Variants in TOX2 observed in about 807,000 individuals in gnomAD.
TOX2 encodes TOX high mobility group box family member 2.
In TOX2, 15 loss-of-function variants were observed where a neutral mutation model predicts 47.4. That is an observed-to-expected ratio of 0.32 (90% CI 0.21 to 0.49). The LOEUF is 0.49. Ranked by LOEUF, TOX2 falls within the 20% of genes least tolerant of loss-of-function variation. The probability of loss-of-function intolerance (pLI) is 0.99; values close to 1 mark genes in which losing one functional copy is unlikely to be tolerated. For synonymous variants in TOX2, 290 were observed against 296.6 expected, an observed-to-expected ratio of 0.98 and a Z score of 0.23; for missense variants, 622 against 673.1, an observed-to-expected ratio of 0.92 and a Z score of 0.84.
At chr20:43,962,583 A>G (rs1056476701) in intron 1 of TOX2, among the ~76,000 whole-genome samples, 17 of 152,270 alleles carry the variant, frequency 1.1e-4, no homozygotes, top group Admixed American at 8.5e-4. Context: ...CCCAGAGCGT[A>G]CATAGTTAAG....
chr20:43,974,545 C>T (rs1199390930), intron 2 of TOX2, among the ~76,000 whole-genome samples: 1 of 152,224 alleles, frequency 6.6e-6, no homozygotes, highest in African/African-American at 2.4e-5. Flanking sequence ...GAGGGCAACC[C>T]CGGCCCTGGA....
At chr20:44,054,588 C>G in intron 5 of TOX2, 62 bp downstream of exon 5, 1 of 1,526,364 alleles carries the variant, frequency 6.6e-7, no homozygotes, top group South Asian at 1.2e-5. Context: ...ACCAAGGACA[C>G]ACTTTGAAGG....
intron 1 of TOX2, among the ~76,000 whole-genome samples, 198 bp from the exon 2 acceptor site, chr20:43,973,169 C>T (rs763852999): frequency 1.3e-5 from 2 of 152,210 alleles, no homozygotes; most frequent in African/African-American, 2.4e-5. Context: ...ACTCAAGGGC[C>T]GTGGAACAGG....
chr20:43,945,691 G>A, intron 1 of TOX2: 5 of 537,456 alleles, frequency 9.3e-6, no homozygotes, highest in Non-Finnish European at 1.6e-5. Context: ...CCGAGACCTG[G>A]CGTGGAGACC....
chr20:43,976,021 T>A (rs2070072060), intron 2 of TOX2, among the ~76,000 whole-genome samples: 1 of 152,270 alleles, frequency 6.6e-6, no homozygotes, highest in Non-Finnish European at 1.5e-5. Context: ...AACTTAGGAC[T>A]TTATGAAGAA....
chr20:43,923,799 G>A (rs1344472042), intron 1 of TOX2, among the ~76,000 whole-genome samples: 1 of 152,210 alleles, frequency 6.6e-6, no homozygotes, highest in Non-Finnish European at 1.5e-5. Context: ...GTTCTCTGCG[G>A]TGAGGTGGGC....
At chr20:43,948,236 G>A (rs2069503594) in intron 1 of TOX2, among the ~76,000 whole-genome samples, 1 of 152,196 alleles carries the variant, frequency 6.6e-6, no homozygotes, top group Non-Finnish European at 1.5e-5. Context: ...TTTATGGGAA[G>A]AATGAAGGTG....
chr20:43,996,063 G>T lies in TOX2; in HGVS notation c.166-10484G>T, dbSNP rs546801797. On this transcript the variant is annotated intron_variant, in intron 2 of 8. Transcript: ENST00000341197. ...GATTGCTGGGTTGAATGGTAGTTCTGCTTTTTGTTCTTTGAGTGATTGCTA... is the reference window on the plus strand; with the variant it reads ...GATTGCTGGGTTGAATGGTAGTTCTTCTTTTTGTTCTTTGAGTGATTGCTA... 1.4e-3 allele frequency among the ~76,000 whole-genome samples: 208 copies of T among 152,302 alleles called. 1 individual carries two copies. The highest frequency in any genetic ancestry group is 6.8e-3 in the Middle Eastern group (2 of 294).
At position 43,952,113 on chromosome 20, in the gene TOX2, G is replaced by A. The variant is rs373426945; in HGVS notation, c.100-21254G>A. Among the ~76,000 whole-genome samples the A allele has an allele frequency of 9.9e-5, 15 of 152,080 alleles. 1 individual carries two copies. Among genetic ancestry groups the A allele is most frequent in the Admixed American group, 3.3e-4 (5 of 15,278 alleles). On this transcript the variant is annotated intron_variant, in intron 1 of 8. Coordinates refer to ENST00000341197, the MANE Select transcript of TOX2 (RefSeq NM_001098797.2). ...AGATGGGGTTTCACCATGTTAGCCA[G>A]GATGGTCTCGATCTCCTGACCTCGT...
intron 1 of TOX2, among the ~76,000 whole-genome samples, chr20:43,969,971 G>A (rs1437830853): frequency 6.6e-6 from 1 of 152,116 alleles, no homozygotes; most frequent in Non-Finnish European, 1.5e-5. Context: ...AGGCCCCCTT[G>A]CCCTACATCT....
At position 44,054,805 on chromosome 20, in the gene TOX2, G is replaced by A. The variant is rs541003581; in HGVS notation, c.879+279G>A. 3.3e-5 allele frequency among the ~76,000 whole-genome samples: 5 copies of A among 152,246 alleles called. No individual in the cohort carries two copies. In the South Asian group the frequency reaches 1.0e-3, roughly 32 times the overall value. On this transcript the variant is annotated intron_variant, in intron 5 of 8. Transcript: ENST00000341197. ...TTCCCCCTTGATAAAATGAGAACAAGCATCTCCATCCATCTTGTCCCACCA... is the reference window on the plus strand; with the variant it reads ...TTCCCCCTTGATAAAATGAGAACAAACATCTCCATCCATCTTGTCCCACCA...
At chr20:44,052,430 G>A (rs6073301) in intron 4 of TOX2, among the ~76,000 whole-genome samples, 62,485 of 151,990 alleles carry the variant, frequency 0.41, 13,902 homozygotes, top group East Asian at 0.5. Context: ...ATCTCCCTCC[G>A]TGCCTCCTGC....
chr20:44,061,787 G>A (rs1312923687), intron 5 of TOX2, among the ~76,000 whole-genome samples: 1 of 152,116 alleles, frequency 6.6e-6, no homozygotes. Context: ...AATCCACCAT[G>A]ATCAAGTGGG....
At chr20:43,918,289 G>A (rs1459903873) in intron 1 of TOX2, among the ~76,000 whole-genome samples, 1 of 152,126 alleles carries the variant, frequency 6.6e-6, no homozygotes, top group Non-Finnish European at 1.5e-5. Context: ...TAGTGACCTA[G>A]GGCAAATGAT....
chr20:44,044,480 T>A (rs2071383766), intron 3 of TOX2, among the ~76,000 whole-genome samples: 1 of 150,946 alleles, frequency 6.6e-6, no homozygotes. Context: ...CCAAACATAA[T>A]GTTTGGAATC....
intron 2 of TOX2, among the ~76,000 whole-genome samples, chr20:43,985,002 A>G (rs977322785): frequency 6.6e-6 from 1 of 152,090 alleles, no homozygotes; most frequent in African/African-American, 2.4e-5. Flanking sequence ...TACATTGTTC[A>G]TTGCTGTGTG....
Position 44,032,375 on chromosome 20 carries a change from C to T in TOX2, c.412-18931C>T, listed in dbSNP as rs149594492. Among the ~76,000 whole-genome samples, 34 of 152,280 alleles carry T rather than the reference C, an allele frequency of 2.2e-4. No individual in the cohort carries two copies. The East Asian group carries it at 3.9e-3, about 17-fold the overall frequency. Reference sequence around the variant, plus strand: ...CTACCCACCAGATGCCAGGAGCGTCCCCGCGGTTGTAACAACAAAAATGTC... The same window carrying T: ...CTACCCACCAGATGCCAGGAGCGTCTCCGCGGTTGTAACAACAAAAATGTC... On this transcript the variant is annotated intron_variant, in intron 3 of 8. Coordinates refer to ENST00000341197, the MANE Select transcript of TOX2 (RefSeq NM_001098797.2).
intron 2 of TOX2, among the ~76,000 whole-genome samples, chr20:43,986,493 G>C (rs2145526671): frequency 6.6e-6 from 1 of 152,146 alleles, no homozygotes; most frequent in East Asian, 1.9e-4. Context: ...TGTTGGCCAG[G>C]CTGGTCTCGA....
At chr20:44,002,839 A>G (rs535447912) in intron 2 of TOX2, among the ~76,000 whole-genome samples, 7 of 152,030 alleles carry the variant, frequency 4.6e-5, no homozygotes, top group Non-Finnish European at 8.8e-5. Context: ...GCAAAAACTC[A>G]CTCATTACCA....
Sources: allele counts gnomAD v4.1 joint callset (sites outside exome capture counted in the v4.1 genomes callset), GRCh38; gene constraint gnomAD v4.1.1; transcripts MANE v1.5; gene names NCBI Gene and HGNC (gene_info 2026-07-23, HGNC 2026-07-21).